SLC9A2: variants seen among roughly 807,000 people sequenced by gnomAD.
The protein encoded by SLC9A2 is sodium/hydrogen exchanger 2.
In SLC9A2, 42 loss-of-function variants were observed where a neutral mutation model predicts 71.7. The observed-to-expected ratio is 0.59, with a 90% CI of 0.46 to 0.76. The LOEUF is 0.76. Among genes scored for constraint, SLC9A2 ranks in the 30% least tolerant of loss-of-function variants. The pLI, the probability that SLC9A2 is intolerant of heterozygous loss-of-function variation, is 0.00. For missense variants in SLC9A2, 829 were observed against 1,017.4 expected, an observed-to-expected ratio of 0.81 and a Z score of 2.52; for synonymous variants, 396 against 392.5, an observed-to-expected ratio of 1.01 and a Z score of -0.10.
Position 102,708,476 on chromosome 2 carries a change from G to A in SLC9A2, c.2426G>A (p.Ser809Asn). 6.2e-7 allele frequency: 1 copy of A among 1,613,972 alleles called. No individual in the cohort carries two copies. Residue 809 changes from serine to asparagine, a missense_variant, in exon 12 of 12, where the codon AGT (serine) becomes AAT (asparagine). By Grantham distance (46) the Ser-to-Asn change is conservative. This residue lies in a region of SLC9A2 where 223 missense variants were observed against 197.5 expected (regional missense o/e 1.13). Coordinates refer to ENST00000233969, the MANE Select transcript of SLC9A2 (RefSeq NM_003048.6). ...EPGSRKARFGSEKP is the reference protein window; with the variant it reads ...EPGSRKARFGNEKP ...GGAAGCCGGAAAGCCCGATTTGGGAGTGAGAAGCCTTAAGAGAAGCAGCGA... is the reference window on the plus strand; with the variant it reads ...GGAAGCCGGAAAGCCCGATTTGGGAATGAGAAGCCTTAAGAGAAGCAGCGA...
chr2:102,633,895 TTTCA>T (rs1335229521), intron 1 of SLC9A2, among the ~76,000 whole-genome samples: 2 of 152,220 alleles, frequency 1.3e-5, no homozygotes, highest in Non-Finnish European at 2.9e-5. Flanking sequence ...GTTAAATATG[TTTCA>T]TTGCACACAC....
intron 1 of SLC9A2, among the ~76,000 whole-genome samples, chr2:102,654,649 A>G (rs1010720458): frequency 6.6e-6 from 1 of 152,102 alleles, no homozygotes; most frequent in African/African-American, 2.4e-5. Flanking sequence ...TTATTCTATC[A>G]CTTTAATAGT....
chr2:102,645,099 A>C (rs1676693969), intron 1 of SLC9A2, among the ~76,000 whole-genome samples: 1 of 152,220 alleles, frequency 6.6e-6, no homozygotes, highest in South Asian at 2.1e-4. Flanking sequence ...TTCCAGAGGA[A>C]GGAGCAGGCA....
In SLC9A2 at chr2:102,668,792, A is replaced by T. The variant is rs148291855; in HGVS notation, c.1004+3442A>T. Among the ~76,000 whole-genome samples, 12 of 152,264 alleles carry T rather than the reference A, an allele frequency of 7.9e-5. No homozygotes were observed. The East Asian group carries it at 2.1e-3, about 27-fold the overall frequency. On this transcript the variant is annotated intron_variant, in intron 3 of 11. Transcript: ENST00000233969. ...TCCTGAGTTTTGCCTGCTCTCCTCC[A>T]TCTCTCCCTCCTCCACCTTCTACCA...
intron 2 of SLC9A2, among the ~76,000 whole-genome samples, chr2:102,659,668 G>T (rs1398667542): frequency 6.6e-6 from 1 of 152,034 alleles, no homozygotes; most frequent in African/African-American, 2.4e-5. Flanking sequence ...AACAAAATCC[G>T]CTTCATATAT....
chr2:102,664,712 C>T (rs746840955), intron 2 of SLC9A2, among the ~76,000 whole-genome samples: 1 of 152,050 alleles, frequency 6.6e-6, no homozygotes, highest in Non-Finnish European at 1.5e-5. Context: ...CACTGATAAG[C>T]TTTCTCACTG....
At chr2:102,693,982 T>C (rs1196399726) in intron 5 of SLC9A2, among the ~76,000 whole-genome samples, 1 of 152,124 alleles carries the variant, frequency 6.6e-6, no homozygotes, top group East Asian at 1.9e-4. Context: ...ACTATTATTA[T>C]TATTTTGATA....
intron 1 of SLC9A2, among the ~76,000 whole-genome samples, chr2:102,631,177 G>A (rs1676347183): frequency 6.6e-6 from 1 of 152,036 alleles, no homozygotes; most frequent in African/African-American, 2.4e-5. Flanking sequence ...CTTAATACCT[G>A]TATGTGGTAT....
chr2:102,690,028 G>GT (rs1214591539), intron 5 of SLC9A2, among the ~76,000 whole-genome samples: 1 of 152,090 alleles, frequency 6.6e-6, no homozygotes, highest in Non-Finnish European at 1.5e-5. Flanking sequence ...TCAATATATG[G>GT]TTTTTAACAC....
intron 10 of SLC9A2, among the ~76,000 whole-genome samples, chr2:102,705,193 G>A (rs191192440): frequency 2.0e-5 from 3 of 152,186 alleles, no homozygotes; most frequent in South Asian, 2.1e-4. Flanking sequence ...ATGACAGAGC[G>A]AGACTCCTTC....
In SLC9A2 at chr2:102,683,273, T is replaced by C; in HGVS notation, c.1017T>C (p.Cys339=). ...HLSGIMAITA[C]AMTMNKYVEE... ...TCTTCCCTTTCAGAATCACTGCTTG[T>C]GCAATGACTATGAATAAGTACGTAG... The change falls in exon 4 of 12, where the codon TGT becomes TGC. Residue 339 remains cysteine, a synonymous_variant. Transcript: ENST00000233969. 6.2e-7 allele frequency: 1 copy of C among 1,609,870 alleles called. No homozygotes were observed.
chr2:102,642,937 GT>G (rs141266719), intron 1 of SLC9A2, among the ~76,000 whole-genome samples: 2,502 of 152,266 alleles, frequency 0.016, 76 homozygotes, highest in African/African-American at 0.057. Flanking sequence ...TGAGGAATTG[GT>G]TGTTGCAGTT....
chr2:102,675,423 C>T (rs993346889), intron 3 of SLC9A2, among the ~76,000 whole-genome samples: 2 of 152,160 alleles, frequency 1.3e-5, no homozygotes, highest in African/African-American at 4.8e-5. Context: ...ATGATAAATA[C>T]ATAATCAGAG....
chr2:102,708,088 C>A, intron 11 of SLC9A2, 31 bp from the exon 12 acceptor site: 1 of 1,587,214 alleles, frequency 6.3e-7, no homozygotes, highest in Admixed American at 1.8e-5. Flanking sequence ...CTCTAAAATG[C>A]TTGCCCACCT....
At chr2:102,679,712 A>C (rs560896530) in intron 3 of SLC9A2, among the ~76,000 whole-genome samples, 34 of 152,338 alleles carry the variant, frequency 2.2e-4, no homozygotes, top group African/African-American at 7.9e-4. Context: ...CTAAATAGAA[A>C]TTGTTAAATT....
Position 102,704,579 on chromosome 2 carries a change from C to G in SLC9A2, c.1881C>G (p.Asp627Glu). 1 of 1,613,368 alleles carries G rather than the reference C, an allele frequency of 6.2e-7. No homozygotes were observed. Among genetic ancestry groups the G allele is most frequent in the South Asian group, 1.1e-5 (1 of 91,070 alleles). The change falls in exon 10 of 12, where the codon GAC becomes GAG. Residue 627 changes from aspartate to glutamate, a missense_variant. Asp to Glu is a conservative substitution (Grantham distance 45). This residue lies in a region of SLC9A2 where 500 missense variants were observed against 726.3 expected (regional missense o/e 0.69). Transcript: ENST00000233969. The part of the protein sequence containing the change: ...LSYNRHSLTA[D>E]TSERQAKEIL... The stretch of plus-strand genomic sequence containing the variant: ...ACAACAGACACAGTCTGACAGCCGA[C>G]ACAAGTGAGAGACAAGCCAAGGAGA...
At chr2:102,641,401 C>T (rs1163248957) in intron 1 of SLC9A2, among the ~76,000 whole-genome samples, 3 of 151,998 alleles carry the variant, frequency 2.0e-5, no homozygotes, top group Non-Finnish European at 4.4e-5. Context: ...CACCCTTTCC[C>T]TCTTTTTGGA....
chr2:102,623,196 T>A (rs1292543821), intron 1 of SLC9A2, among the ~76,000 whole-genome samples: 1 of 152,170 alleles, frequency 6.6e-6, no homozygotes, highest in African/African-American at 2.4e-5. Flanking sequence ...ATTTGGAACG[T>A]CTCTGGCTAC....
intron 2 of SLC9A2, among the ~76,000 whole-genome samples, chr2:102,660,723 C>T (rs1677032457): frequency 6.6e-6 from 1 of 152,150 alleles, no homozygotes; most frequent in African/African-American, 2.4e-5. Context: ...ACAGCAAAAA[C>T]TGTGAGTCAC....
Sources: gnomAD v4.1 joint callset for allele counts (sites outside exome capture counted in the v4.1 genomes callset) on GRCh38, gnomAD v4.1.1 for gene constraint, gnomAD v4.1.1 regional missense constraint, MANE v1.5 for transcripts, NCBI Gene and HGNC (gene_info 2026-07-23, HGNC 2026-07-21) for gene names.